The following PIEZO2 variants were observed in gnomAD, a reference collection of about 807,000 sequenced individuals.
The protein encoded by PIEZO2 is piezo type mechanosensitive ion channel component 2.
PIEZO2 carries 172 observed loss-of-function variants against 337.3 expected under a neutral mutation model. The observed-to-expected ratio is 0.51, with a 90% CI of 0.45 to 0.58. The LOEUF (loss-of-function observed/expected upper bound fraction) is 0.58, where lower values mean the gene tolerates loss of function less well. PIEZO2 is among the 20% of genes least tolerant of loss of function. The pLI, the probability that PIEZO2 is intolerant of heterozygous loss-of-function variation, is 0.00. For missense variants in PIEZO2, 3,028 were observed against 3,391.3 expected, an observed-to-expected ratio of 0.89 and a Z score of 2.66; for synonymous variants, 1,251 against 1,228.5, an observed-to-expected ratio of 1.02 and a Z score of -0.38.
intron 2 of PIEZO2, among the ~76,000 whole-genome samples, chr18:10,981,447 C>G (rs758794277): frequency 6.6e-6 from 1 of 152,114 alleles, no homozygotes; most frequent in Admixed American, 6.5e-5. Context: ...TGTAATTCAC[C>G]GTATTAGCAG....
At chr18:10,843,241 A>T (rs1032223867) in intron 7 of PIEZO2, among the ~76,000 whole-genome samples, 11 of 152,258 alleles carry the variant, frequency 7.2e-5, no homozygotes, top group South Asian at 2.1e-4. Flanking sequence ...TCCAATAAAA[A>T]GTTTGATAGC....
At chr18:11,103,376 G>A (rs554914936) in intron 1 of PIEZO2, among the ~76,000 whole-genome samples, 8 of 152,252 alleles carry the variant, frequency 5.3e-5, no homozygotes, top group African/African-American at 1.4e-4. Flanking sequence ...TTTATTAAGA[G>A]TGATGGAGAC....
At chr18:10,683,875 C>A (rs2034389360) in intron 49 of PIEZO2, among the ~76,000 whole-genome samples, 1 of 152,172 alleles carries the variant, frequency 6.6e-6, no homozygotes, top group African/African-American at 2.4e-5. Flanking sequence ...CTCCTGAAGG[C>A]CAGTCTCTTT....
In PIEZO2 at chr18:10,725,059, G is replaced by A. The variant is rs549538929; in HGVS notation, c.5029+6348C>T. ...GTTGGTGGCCCTGCGGCCAACCAAC[G>A]TGGACCGTGAGGGAGACAAGTTCTT... is the stretch of plus-strand genomic sequence containing the variant. On this transcript the variant is annotated intron_variant, in intron 36 of 55. Coordinates refer to ENST00000674853, the MANE Select transcript of PIEZO2 (RefSeq NM_001378183.1). 3.9e-5 allele frequency: 60 copies of A among 1,552,930 alleles called. 1 individual carries two copies. The highest frequency in any genetic ancestry group is 2.5e-4 in the South Asian group (22 of 89,742).
chr18:10,986,797 T>C (rs1402992882), intron 2 of PIEZO2, among the ~76,000 whole-genome samples: 1 of 151,968 alleles, frequency 6.6e-6, no homozygotes, highest in Non-Finnish European at 1.5e-5. Context: ...TTTTAGATAA[T>C]ATAATATTAT....
intron 2 of PIEZO2, among the ~76,000 whole-genome samples, chr18:11,041,242 T>C (rs1418335331): frequency 1.3e-5 from 2 of 152,222 alleles, no homozygotes; most frequent in Admixed American, 1.3e-4. Context: ...CTGCAAAATA[T>C]GCAAAATTCA....
intron 1 of PIEZO2, among the ~76,000 whole-genome samples, chr18:11,144,669 A>AT (rs1372351222): frequency 6.6e-6 from 1 of 152,198 alleles, no homozygotes; most frequent in African/African-American, 2.4e-5. Context: ...TTCTTTCTGG[A>AT]TTGGAATATT....
rs2041389482 is a variant in PIEZO2 at position 10,847,121 on chromosome 18, C to T, written c.917+8232G>A. The stretch of plus-strand genomic sequence containing the variant: ...CAGGGCCAAGGTTCAATCTCGAGCC[C>T]GTGGACTCCAGGGAATGAGCTGTTG... On this transcript the variant is annotated intron_variant, in intron 7 of 55. Coordinates refer to ENST00000674853, the MANE Select transcript of PIEZO2 (RefSeq NM_001378183.1). The surrounding 1 kb of genome is among the most constrained non-coding windows in gnomAD (Gnocchi z 5.7). Among the ~76,000 whole-genome samples the T allele has an allele frequency of 6.6e-6, 1 of 152,160 alleles. No homozygotes were observed.
At chr18:10,779,660 A>G (rs1471564119) in intron 18 of PIEZO2, among the ~76,000 whole-genome samples, 2 of 152,228 alleles carry the variant, frequency 1.3e-5, no homozygotes, top group Admixed American at 6.5e-5. Context: ...ATATTTGAAG[A>G]AAGTGATGTT....
At chr18:10,995,752 T>C (rs2035297675) in intron 2 of PIEZO2, among the ~76,000 whole-genome samples, 1 of 152,146 alleles carries the variant, frequency 6.6e-6, no homozygotes, top group East Asian at 1.9e-4. Context: ...GTGACTGTGT[T>C]CACCCCTGCC....
Position 10,759,495 on chromosome 18 carries a change from A to G in PIEZO2, c.3744T>C (p.Pro1248=). The G allele has an allele frequency of 6.5e-7, 1 of 1,536,850 alleles. No individual in the cohort carries two copies. The highest frequency in any genetic ancestry group is 8.7e-7 in the Non-Finnish European group (1 of 1,146,736). Residue 1248 remains proline, a synonymous_variant, in exon 26 of 56, where the codon CCT becomes CCC. Transcript: ENST00000674853. The surrounding 1 kb of genome is among the most constrained non-coding windows in gnomAD (Gnocchi z 5.5). ...GGAAACACTTACAGACGAGAAACACAGGGTTGGGCCGCACAATGAAATCTG... is the reference window on the plus strand; with the variant it reads ...GGAAACACTTACAGACGAGAAACACGGGGTTGGGCCGCACAATGAAATCTG... ...YFPDFIVRPN[P]VFLVYDFMLL...
At chr18:10,721,482 A>T (rs575877461) in intron 36 of PIEZO2, among the ~76,000 whole-genome samples, 1 of 152,312 alleles carries the variant, frequency 6.6e-6, no homozygotes, top group Non-Finnish European at 1.5e-5. Flanking sequence ...TATGACACAG[A>T]GCAAGGAGCT....
Position 10,726,364 on chromosome 18 carries a change from C to G in PIEZO2, c.5029+5043G>C. On this transcript the variant is annotated intron_variant, in intron 36 of 55. Transcript: ENST00000674853. This position sits in a 1 kb window ranked among gnomAD's most constrained non-coding sequence, Gnocchi z 5.9. ...GCGCTGCCTCCCTTCGCCTTCCCCGCAGGCACCCACTACCTGCGGGGCGGT... is the reference window on the plus strand; with the variant it reads ...GCGCTGCCTCCCTTCGCCTTCCCCGGAGGCACCCACTACCTGCGGGGCGGT... The G allele has an allele frequency of 6.6e-7, 1 of 1,512,432 alleles. No individual in the cohort carries two copies. Among genetic ancestry groups the G allele is most frequent in the Admixed American group, 2.0e-5 (1 of 48,890 alleles). 93.7% of individuals were successfully genotyped at this position (1,512,432 alleles called of 1,614,324 possible). A position where few individuals can be genotyped will look rare whatever the true frequency, so the allele number is the denominator to read the frequency against.
chr18:10,670,315 A>G lies in PIEZO2; in HGVS notation c.*1212T>C, dbSNP rs757458121. ...AAACTACACAGGATCAATTTTTGAC[A>G]TATTCTAGTCCATTCAATGATTCTT... On this transcript the variant is annotated 3_prime_UTR_variant, in exon 56 of 56. Transcript: ENST00000674853. 1.3e-5 allele frequency: 2 copies of G among 152,212 alleles called. No homozygotes were observed. The highest frequency in any genetic ancestry group is 2.9e-5 in the Non-Finnish European group (2 of 68,034). The allele number at this position is 152,212 out of a possible 1,614,324, so 9.4% of individuals were successfully genotyped here.
Position 10,716,838 on chromosome 18 carries a change from A to T in PIEZO2, c.5090-1022T>A, listed in dbSNP as rs1312425279. On this transcript the variant is annotated intron_variant, in intron 37 of 55. Coordinates refer to ENST00000674853, the MANE Select transcript of PIEZO2 (RefSeq NM_001378183.1). This position sits in a 1 kb window ranked among gnomAD's most constrained non-coding sequence, Gnocchi z 4.1. ...TTATATTTTCGACATGTATTTTCTC[A>T]TACCCACAATTGTTTTCTTAGAAAT... is the stretch of plus-strand genomic sequence containing the variant. Among the ~76,000 whole-genome samples the T allele has an allele frequency of 1.3e-5, 2 of 151,938 alleles. No homozygotes were observed. Among genetic ancestry groups the T allele is most frequent in the African/African-American group, 2.4e-5 (1 of 41,214 alleles).
At position 10,853,810 on chromosome 18, in the gene PIEZO2, T is replaced by C. The variant is rs980928928; in HGVS notation, c.917+1543A>G. 1.2e-4 allele frequency among the ~76,000 whole-genome samples: 18 copies of C among 152,248 alleles called. No individual in the cohort carries two copies. Among genetic ancestry groups the C allele is most frequent in the African/African-American group, 4.3e-4 (18 of 41,474 alleles). On this transcript the variant is annotated intron_variant, in intron 7 of 55. Coordinates refer to ENST00000674853, the MANE Select transcript of PIEZO2 (RefSeq NM_001378183.1). This position sits in a 1 kb window ranked among gnomAD's most constrained non-coding sequence, Gnocchi z 4.2. ...CAGCTTATCTAAATAACTCACCATGTATCTCCTAAAATAATGGCATTTTTC... is the reference window on the plus strand; with the variant it reads ...CAGCTTATCTAAATAACTCACCATGCATCTCCTAAAATAATGGCATTTTTC...
At position 11,148,994 on chromosome 18, in the gene PIEZO2, G is replaced by A. The variant is rs1568418242; in HGVS notation, c.-406C>T. On this transcript the variant is annotated 5_prime_UTR_variant, in exon 1 of 56. Coordinates refer to ENST00000674853, the MANE Select transcript of PIEZO2 (RefSeq NM_001378183.1). This position sits in a 1 kb window ranked among gnomAD's most constrained non-coding sequence, Gnocchi z 5.2. ...AAAGGGGGCAAGAAGGGCGTGCTGTGCTCCCGCCTGGCTCCCGGGGCGTCG... is the reference window on the plus strand; with the variant it reads ...AAAGGGGGCAAGAAGGGCGTGCTGTACTCCCGCCTGGCTCCCGGGGCGTCG... Among the ~76,000 whole-genome samples, 1 of 151,664 alleles carries A rather than the reference G, an allele frequency of 6.6e-6. No homozygotes were observed. The highest frequency in any genetic ancestry group is 1.5e-5 in the Non-Finnish European group (1 of 67,854).
chr18:10,960,535 A>G (rs1474615170), intron 3 of PIEZO2, among the ~76,000 whole-genome samples: 1 of 150,778 alleles, frequency 6.6e-6, no homozygotes, highest in Non-Finnish European at 1.5e-5. Context: ...TGCAGCAACT[A>G]CACTACTGTA....
At chr18:10,725,686 C>T (rs530473790) in intron 36 of PIEZO2, among the ~76,000 whole-genome samples, 29 of 152,306 alleles carry the variant, frequency 1.9e-4, no homozygotes, top group African/African-American at 7.0e-4. Flanking sequence ...TTGGTCCTTT[C>T]GGGTATATTT....
Sources: allele counts gnomAD v4.1 joint callset (sites outside exome capture counted in the v4.1 genomes callset), GRCh38; gene constraint gnomAD v4.1.1; non-coding constraint Gnocchi (gnomAD v3.1); transcripts MANE v1.5; gene names NCBI Gene and HGNC (gene_info 2026-07-23, HGNC 2026-07-21).